CA10: variants seen among roughly 807,000 people sequenced by gnomAD.
CA10 encodes the protein carbonic anhydrase 10 (inactive).
CA10 carries 14 observed loss-of-function variants against 44.2 expected under a neutral mutation model. The observed-to-expected ratio is 0.32, with a 90% CI of 0.21 to 0.50. The LOEUF (loss-of-function observed/expected upper bound fraction) is 0.50, where lower values mean the gene tolerates loss of function less well. Ranked by LOEUF, CA10 falls within the 20% of genes least tolerant of loss-of-function variation. The pLI, the probability that CA10 is intolerant of heterozygous loss-of-function variation, is 0.99. For synonymous variants in CA10, 159 were observed against 141.6 expected (o/e 1.12, Z -0.87); for missense variants, 350 against 409.7 (o/e 0.85, Z 1.26).
chr17:52,081,896 C>T (rs2143175380), intron 1 of CA10, among the ~76,000 whole-genome samples: 1 of 152,068 alleles, frequency 6.6e-6, no homozygotes, highest in East Asian at 1.9e-4. Context: ...AAGGAAAACT[C>T]CCACCCTTTT....
chr17:51,638,439 G>A (rs190370901), intron 6 of CA10, among the ~76,000 whole-genome samples: 108 of 152,314 alleles, frequency 7.1e-4, no homozygotes, highest in African/African-American at 2.3e-3. Context: ...GGACATGCTC[G>A]AGAGAGACAC....
chr17:52,081,077 T>C (rs930502049), intron 1 of CA10, among the ~76,000 whole-genome samples: 2 of 152,106 alleles, frequency 1.3e-5, no homozygotes, highest in Non-Finnish European at 2.9e-5. Context: ...CACTTTTGTG[T>C]AAACCTAATA....
chr17:52,095,304 A>G (rs999848274), intron 1 of CA10, among the ~76,000 whole-genome samples: 2 of 152,048 alleles, frequency 1.3e-5, no homozygotes, highest in African/African-American at 4.8e-5. Flanking sequence ...TTTTTCCTCT[A>G]TTGGGTGAGG....
intron 3 of CA10, among the ~76,000 whole-genome samples, chr17:51,763,927 C>A (rs1317956370): frequency 6.6e-6 from 1 of 151,806 alleles, no homozygotes; most frequent in African/African-American, 2.4e-5. Context: ...CCTCTCTGTC[C>A]CCCAGACATG....
At chr17:51,705,647 A>G (rs557699498) in intron 4 of CA10, among the ~76,000 whole-genome samples, 1 of 152,296 alleles carries the variant, frequency 6.6e-6, no homozygotes, top group African/African-American at 2.4e-5. Context: ...CTCAAAAGAA[A>G]TCCACCCATA....
chr17:51,693,340 T>TA (rs201748912), intron 4 of CA10, among the ~76,000 whole-genome samples: 20 of 151,790 alleles, frequency 1.3e-4, no homozygotes, highest in African/African-American at 1.7e-4. Flanking sequence ...TTTTTCTCTT[T>TA]AAAAAAAAAT....
At chr17:52,046,714 C>T (rs1354327909) in intron 2 of CA10, among the ~76,000 whole-genome samples, 7 of 151,748 alleles carry the variant, frequency 4.6e-5, no homozygotes, top group Non-Finnish European at 1.0e-4. Context: ...ACACTAAAAC[C>T]AGACAAAAAC....
intron 2 of CA10, among the ~76,000 whole-genome samples, chr17:51,993,794 TC>T (rs1243653393): frequency 3.3e-5 from 5 of 152,068 alleles, no homozygotes; most frequent in Non-Finnish European, 5.9e-5. Flanking sequence ...CACTCAAGTT[TC>T]TTTTTCTCTC....
chr17:51,844,567 A>T (rs1198314364), intron 3 of CA10, among the ~76,000 whole-genome samples: 1 of 152,172 alleles, frequency 6.6e-6, no homozygotes, highest in Non-Finnish European at 1.5e-5. Flanking sequence ...CTAGGTATCC[A>T]TTGTCATTAA....
chr17:52,087,811 C>T (rs149775245), intron 1 of CA10, among the ~76,000 whole-genome samples: 54 of 152,218 alleles, frequency 3.5e-4, no homozygotes, highest in African/African-American at 1.1e-3. Context: ...TTTATGCCCC[C>T]CTTATTTATC....
rs370176532 is a variant in CA10 at position 51,996,912 on chromosome 17, AAT to A, written c.137-65782_137-65781del. Among the ~76,000 whole-genome samples the A allele has an allele frequency of 5.0e-4, 76 of 152,252 alleles. 1 individual carries two copies. In the South Asian group the frequency reaches 6.0e-3, roughly 12 times the overall value. On this transcript the variant is annotated intron_variant, in intron 2 of 8. Coordinates refer to ENST00000451037, the MANE Select transcript of CA10 (RefSeq NM_020178.5). ...AAAACGTCACCAAGAGAACTTCTGT[AAT>A]ATGCACAACAATTTCCCCCAGATCT...
intron 3 of CA10, among the ~76,000 whole-genome samples, chr17:51,849,231 G>GTATATATATA (rs1441221955): frequency 1.8e-5 from 1 of 55,882 alleles, no homozygotes; most frequent in Admixed American, 2.3e-4. Flanking sequence ...ATATATGTGT[G>GTATATATATA]TGTATATATA....
chr17:51,937,764 G>T (rs577858802), intron 2 of CA10, among the ~76,000 whole-genome samples: 2 of 152,238 alleles, frequency 1.3e-5, no homozygotes, highest in South Asian at 4.1e-4. Context: ...TATAATAAGG[G>T]TATGTGTATA....
intron 1 of CA10, among the ~76,000 whole-genome samples, chr17:52,150,947 G>A (rs1989690400): frequency 6.6e-6 from 1 of 152,078 alleles, no homozygotes; most frequent in African/African-American, 2.4e-5. Context: ...TTAAAAAAGT[G>A]TATCACTTAG....
chr17:51,819,916 G>A (rs1046017981), intron 3 of CA10, among the ~76,000 whole-genome samples: 1 of 152,154 alleles, frequency 6.6e-6, no homozygotes, highest in South Asian at 2.1e-4. Flanking sequence ...GTCTCTGTCT[G>A]CCTGTTCCTC....
At chr17:51,715,135 A>G (rs954593334) in intron 4 of CA10, among the ~76,000 whole-genome samples, 5 of 152,048 alleles carry the variant, frequency 3.3e-5, no homozygotes, top group African/African-American at 1.2e-4. Flanking sequence ...CAAACACCTC[A>G]TGTTCTCACT....
At chr17:51,724,441 T>C (rs1916450132) in intron 4 of CA10, among the ~76,000 whole-genome samples, 1 of 152,150 alleles carries the variant, frequency 6.6e-6, no homozygotes, top group South Asian at 2.1e-4. Context: ...AAGTATAAGA[T>C]GGGCTAGAAT....
At chr17:51,769,639 T>G (rs146936442) in intron 3 of CA10, among the ~76,000 whole-genome samples, 48 of 152,278 alleles carry the variant, frequency 3.2e-4, no homozygotes, top group African/African-American at 1.1e-3. Flanking sequence ...ACCAGCACAG[T>G]GCATCAAAGA....
chr17:52,147,307 C>T (rs1296889038), intron 1 of CA10, among the ~76,000 whole-genome samples: 4 of 152,094 alleles, frequency 2.6e-5, no homozygotes, highest in African/African-American at 7.2e-5. Context: ...TATACAGTCC[C>T]TGTCTTGCAA....
Sources: gnomAD v4.1 joint callset for allele counts (sites outside exome capture counted in the v4.1 genomes callset) on GRCh38, gnomAD v4.1.1 for gene constraint, MANE v1.5 for transcripts, NCBI Gene and HGNC (gene_info 2026-07-23, HGNC 2026-07-21) for gene names.